The following DCTN5 variants were observed in gnomAD, a reference collection of about 807,000 sequenced individuals.
DCTN5 encodes dynactin subunit 5.
In DCTN5, 14 loss-of-function variants were observed where a neutral mutation model predicts 23.5. The observed-to-expected ratio is 0.60, with a 90% confidence interval of 0.39 to 0.93. The LOEUF is 0.93. Ranked by LOEUF, DCTN5 falls within the 40% of genes least tolerant of loss-of-function variation. The pLI is 0.00. For missense variants in DCTN5, 156 were observed against 225.9 expected (o/e 0.69, Z 1.98); for synonymous variants, 67 against 79.6 (o/e 0.84, Z 0.84).
chr16:23,665,718 AG>A lies in DCTN5; in HGVS notation c.443del (p.Gly148AlafsTer17). On this transcript the variant is annotated frameshift_variant, in exon 5 of 6. Coordinates refer to ENST00000300087, the MANE Select transcript of DCTN5 (RefSeq NM_032486.4). LOFTEE classifies it high-confidence loss of function. ...TVVPPFTVFS[G>X]CPGLFSGELP... ...TGGTTCCACCATTCACTGTCTTCTC[AG>A]GCTGCCCAGGTAACCTTGGCTGTTG... The A allele has an allele frequency of 6.2e-7, 1 of 1,613,278 alleles. No homozygotes were observed. Among genetic ancestry groups the A allele is most frequent in the Non-Finnish European group, 8.5e-7 (1 of 1,179,570 alleles).
At position 23,673,473 on chromosome 16, in the gene DCTN5, G is replaced by A. The variant is rs559502378; in HGVS notation, c.*6329G>A. 3 of 152,308 alleles carry A rather than the reference G, an allele frequency of 2.0e-5. No individual in the cohort carries two copies. In the South Asian group the frequency reaches 6.2e-4, roughly 32 times the overall value. The allele number at this position is 152,308 out of a possible 1,614,324, so 9.4% of individuals were successfully genotyped here. A position where few individuals can be genotyped will look rare whatever the true frequency, so the allele number is the denominator to read the frequency against. On this transcript the variant is annotated 3_prime_UTR_variant, in exon 6 of 6. Transcript: ENST00000300087. ...GCAGTGGATGCTCAGCAGGCCTTGA[G>A]TGTGTGAATGAAAAATATTTGAACT...
chr16:23,665,305 T>C (rs1295592568), intron 4 of DCTN5, among the ~76,000 whole-genome samples: 3 of 152,176 alleles, frequency 2.0e-5, no homozygotes, highest in Non-Finnish European at 2.9e-5. Flanking sequence ...GAATGGATGC[T>C]GGACAAGCAA....
In DCTN5 at chr16:23,667,035, T is replaced by TTC; in HGVS notation, c.452-10_452-9dup. The TTC allele has an allele frequency of 1.5e-5, 24 of 1,613,728 alleles. No individual in the cohort carries two copies. The highest frequency in any genetic ancestry group is 1.9e-5 in the Non-Finnish European group (23 of 1,179,956). On this transcript the variant is annotated splice_polypyrimidine_tract_variant and intron_variant, in intron 5 of 5. Transcript: ENST00000300087. Reference sequence around the variant, plus strand: ...CTTCAAGCTCCTTAGAGCTGGGTCTTTCTTTCCCCAGGACTCTTCTCAGGG... The same window carrying TTC: ...CTTCAAGCTCCTTAGAGCTGGGTCTTTCTCTTTCCCCAGGACTCTTCTCAGGG...
Position 23,675,234 on chromosome 16 carries a change from T to C in DCTN5, c.*8090T>C, listed in dbSNP as rs1178302528. The stretch of plus-strand genomic sequence containing the variant: ...AAAAAATGTTGGCCAGGCGCAGTGA[T>C]GGATGCATATGATCCCAGCACTTTG... On this transcript the variant is annotated 3_prime_UTR_variant, in exon 6 of 6. Coordinates refer to ENST00000300087, the MANE Select transcript of DCTN5 (RefSeq NM_032486.4). 5.3e-5 allele frequency: 8 copies of C among 152,124 alleles called. No individual in the cohort carries two copies. The highest frequency in any genetic ancestry group is 5.2e-4 in the Admixed American group (8 of 15,272). The allele number at this position is 152,124 out of a possible 1,614,324, so 9.4% of individuals were successfully genotyped here. A position where few individuals can be genotyped will look rare whatever the true frequency, so the allele number is the denominator to read the frequency against.
intron 5 of DCTN5, 74 bp downstream of exon 5, chr16:23,665,802 C>A: frequency 3.3e-6 from 4 of 1,205,634 alleles, no homozygotes; most frequent in South Asian, 2.7e-5. Flanking sequence ...AAAAGTAATG[C>A]TTACGATTCC....
Position 23,674,034 on chromosome 16 carries a change from G to T in DCTN5, c.*6890G>T, listed in dbSNP as rs1044651806. ...CCACAGCTGTCTGGCCATGCAGCAT[G>T]CCTTCACTGCTGCTGAAGAAAAGCA... On this transcript the variant is annotated 3_prime_UTR_variant, in exon 6 of 6. Transcript: ENST00000300087. 5 of 152,138 alleles carry T rather than the reference G, an allele frequency of 3.3e-5. No individual in the cohort carries two copies. The highest frequency in any genetic ancestry group is 1.2e-4 in the African/African-American group (5 of 41,436). 9.4% of individuals were successfully genotyped at this position (152,138 alleles called of 1,614,324 possible). A position where few individuals can be genotyped will look rare whatever the true frequency, so the allele number is the denominator to read the frequency against.
intron 4 of DCTN5, among the ~76,000 whole-genome samples, chr16:23,662,615 C>G (rs1490694948): frequency 6.6e-6 from 1 of 152,120 alleles, no homozygotes; most frequent in Non-Finnish European, 1.5e-5. Flanking sequence ...CCTGAAATAT[C>G]AAAAAACTTG....
intron 4 of DCTN5, among the ~76,000 whole-genome samples, chr16:23,664,762 ATCAC>A (rs1381804041): frequency 6.6e-6 from 1 of 152,276 alleles, no homozygotes; most frequent in East Asian, 1.9e-4. Context: ...CTACATGACT[ATCAC>A]TCACCAGTGG....
At chr16:23,645,082 A>ACT (rs1567228183) in intron 2 of DCTN5, among the ~76,000 whole-genome samples, 1 of 60,342 alleles carries the variant, frequency 1.7e-5, no homozygotes, top group Non-Finnish European at 3.0e-5. Flanking sequence ...ACCCAGCCTA[A>ACT]CTATATATAT....
At chr16:23,645,767 T>G (rs1177522623) in intron 2 of DCTN5, among the ~76,000 whole-genome samples, 1 of 152,212 alleles carries the variant, frequency 6.6e-6, no homozygotes, top group African/African-American at 2.4e-5. Flanking sequence ...CTCCATTGTA[T>G]GTATATGCCA....
In DCTN5 at chr16:23,671,118, T is replaced by A. The variant is rs1967998850; in HGVS notation, c.*3974T>A. The A allele has an allele frequency of 1.3e-5, 2 of 152,200 alleles. No homozygotes were observed. The highest frequency in any genetic ancestry group is 2.9e-5 in the Non-Finnish European group (2 of 68,036). 9.4% of individuals were successfully genotyped at this position (152,200 alleles called of 1,614,324 possible). On this transcript the variant is annotated 3_prime_UTR_variant, in exon 6 of 6. Transcript: ENST00000300087. Reference sequence around the variant, plus strand: ...AGGAGTGTGAGTGCTAGAGTCAGGCTGATCAAATCCCAGCCTGCCATTGGC... The same window carrying A: ...AGGAGTGTGAGTGCTAGAGTCAGGCAGATCAAATCCCAGCCTGCCATTGGC...
In DCTN5 at chr16:23,668,117, AC is replaced by A. The variant is rs1301938398; in HGVS notation, c.*975del. On this transcript the variant is annotated 3_prime_UTR_variant, in exon 6 of 6. Coordinates refer to ENST00000300087, the MANE Select transcript of DCTN5 (RefSeq NM_032486.4). ...AAATGAAGTTACTAGGGCTGTTCTTACCATCTCCTTCTGGCCAAATAGCACA... is the reference window on the plus strand; with the variant it reads ...AAATGAAGTTACTAGGGCTGTTCTTACATCTCCTTCTGGCCAAATAGCACA... 3.3e-5 allele frequency: 5 copies of A among 152,238 alleles called. No homozygotes were observed. Among genetic ancestry groups the A allele is most frequent in the African/African-American group, 4.8e-5 (2 of 41,466 alleles). The allele number at this position is 152,238 out of a possible 1,614,324, so 9.4% of individuals were successfully genotyped here.
chr16:23,644,638 A>G (rs1251333445), intron 2 of DCTN5, among the ~76,000 whole-genome samples: 2 of 150,280 alleles, frequency 1.3e-5, no homozygotes, highest in Admixed American at 1.3e-4. Context: ...GTTTCACCAT[A>G]TTGGCCAGGC....
intron 2 of DCTN5, among the ~76,000 whole-genome samples, chr16:23,645,083 CTATATA>C (rs869302728): frequency 2.3e-3 from 75 of 33,034 alleles, no homozygotes; most frequent in Admixed American, 2.8e-3. Context: ...CCCAGCCTAA[CTATATA>C]TATATATATA....
intron 4 of DCTN5, 48 bp downstream of exon 4, chr16:23,661,329 C>T (rs764582678): frequency 7.4e-7 from 1 of 1,344,344 alleles, no homozygotes; most frequent in Non-Finnish European, 1.1e-6. Flanking sequence ...TTCCCTTCAG[C>T]TCCCATCCCT....
chr16:23,641,696 G>T (rs909520817), intron 1 of DCTN5, 106 bp downstream of exon 1: 3 of 1,197,184 alleles, frequency 2.5e-6, no homozygotes, highest in African/African-American at 3.0e-5. Context: ...TGTCCCTTTG[G>T]CCATTAGTCC....
intron 2 of DCTN5, among the ~76,000 whole-genome samples, chr16:23,646,584 T>G (rs80101404): frequency 0.064 from 9,668 of 152,176 alleles, 638 homozygotes; most frequent in African/African-American, 0.16. Flanking sequence ...AATTTTTTTT[T>G]TTGTTTTTTG....
intron 5 of DCTN5, 152 bp from the exon 6 acceptor site, chr16:23,666,895 C>T (rs1967916911): frequency 7.8e-7 from 1 of 1,278,870 alleles, no homozygotes; most frequent in Non-Finnish European, 1.1e-6. Context: ...TTTAGCTGTT[C>T]TTAGCAAGCA....
In DCTN5 at chr16:23,667,406, G is replaced by T. The variant is rs926933636; in HGVS notation, c.*262G>T. ...CAGTCACTTTGTACCATTATCTGTGGAACACAGAATCATCTGTTCCCAACA... is the reference window on the plus strand; with the variant it reads ...CAGTCACTTTGTACCATTATCTGTGTAACACAGAATCATCTGTTCCCAACA... On this transcript the variant is annotated 3_prime_UTR_variant, in exon 6 of 6. Transcript: ENST00000300087. 1 of 471,620 alleles carries T rather than the reference G, an allele frequency of 2.1e-6. No individual in the cohort carries two copies. Among genetic ancestry groups the T allele is most frequent in the Non-Finnish European group, 3.9e-6 (1 of 258,488 alleles). 29.2% of individuals were successfully genotyped at this position (471,620 alleles called of 1,614,324 possible).
Sources: allele counts gnomAD v4.1 joint callset (sites outside exome capture counted in the v4.1 genomes callset), GRCh38; gene constraint gnomAD v4.1.1; transcripts MANE v1.5; gene names NCBI Gene and HGNC (gene_info 2026-07-23, HGNC 2026-07-21).